Variants in TMEM184B observed in about 807,000 individuals in gnomAD.
TMEM184B encodes transmembrane protein 184B.
In TMEM184B, 17 loss-of-function variants were observed where a neutral mutation model predicts 41.8. The ratio of observed to expected loss-of-function variants is 0.41; its 90% CI spans 0.28 to 0.61. The LOEUF is 0.61. Among genes scored for constraint, TMEM184B ranks in the 20% least tolerant of loss-of-function variants. TMEM184B has a pLI of 0.34. For synonymous variants in TMEM184B, 240 were observed against 229.5 expected (o/e 1.05, Z -0.41); for missense variants, 393 against 557.8 (o/e 0.70, Z 2.98).
In TMEM184B at chr22:38,224,997, G is replaced by C. The variant is rs201677643; in HGVS notation, c.788-18C>G. The stretch of plus-strand genomic sequence containing the variant: ...GAGCATGCCTGGATGGGGAGGCACG[G>C]GTGTCTGGACCCAGAATGATTCCTT... On this transcript the variant is annotated intron_variant, in intron 7 of 8. Coordinates refer to ENST00000361906, the MANE Select transcript of TMEM184B (RefSeq NM_012264.5). 2.6e-6 allele frequency: 4 copies of C among 1,534,892 alleles called. No homozygotes were observed. The highest frequency in any genetic ancestry group is 4.0e-5 in the Admixed American group (2 of 49,876).
intron 1 of TMEM184B, among the ~76,000 whole-genome samples, chr22:38,249,696 T>C (rs1290328446): frequency 1.3e-5 from 2 of 152,144 alleles, no homozygotes; most frequent in Admixed American, 1.3e-4. Flanking sequence ...CCTCCAGAAC[T>C]GTGAGGAAGG....
At chr22:38,255,375 T>C (rs2092260153) in intron 1 of TMEM184B, among the ~76,000 whole-genome samples, 2 of 151,966 alleles carry the variant, frequency 1.3e-5, no homozygotes, top group South Asian at 4.2e-4. Context: ...GGTTTCACCA[T>C]ATTGGCCAGG....
At chr22:38,238,789 G>GCTGCACAGAGCCCT (rs1476335982) in intron 3 of TMEM184B, among the ~76,000 whole-genome samples, 3 of 152,208 alleles carry the variant, frequency 2.0e-5, no homozygotes, top group African/African-American at 7.2e-5. Context: ...AGAGCCCTAG[G>GCTGCACAGAGCCCT]ATTCAGAGAC....
chr22:38,232,016 A>G (rs1415524329), intron 3 of TMEM184B: 2 of 157,222 alleles, frequency 1.3e-5, no homozygotes, highest in African/African-American at 4.8e-5. Context: ...ATTTATAAAT[A>G]AATATTTGTC....
intron 1 of TMEM184B, among the ~76,000 whole-genome samples, chr22:38,259,438 T>C (rs931889658): frequency 3.9e-5 from 6 of 152,160 alleles, no homozygotes; most frequent in African/African-American, 7.2e-5. Context: ...GGTGGGCCCA[T>C]GTCATCACAA....
chr22:38,271,403 G>T (rs1051963260), intron 1 of TMEM184B, among the ~76,000 whole-genome samples: 3 of 152,164 alleles, frequency 2.0e-5, no homozygotes, highest in African/African-American at 7.2e-5. Context: ...ATTCCCTCTG[G>T]GCCTCAGTTT....
chr22:38,227,140 G>C (rs1357370745), intron 5 of TMEM184B, among the ~76,000 whole-genome samples: 1 of 152,024 alleles, frequency 6.6e-6, no homozygotes, highest in African/African-American at 2.4e-5. Context: ...GAACATATAG[G>C]AGATGCAGCC....
chr22:38,268,130 C>G (rs1161640993), intron 1 of TMEM184B, among the ~76,000 whole-genome samples: 1 of 152,188 alleles, frequency 6.6e-6, no homozygotes, highest in East Asian at 1.9e-4. Context: ...CACCTGTAAT[C>G]CCAACACTTT....
At chr22:38,244,301 G>A (rs1225102482) in intron 3 of TMEM184B, among the ~76,000 whole-genome samples, 1 of 152,070 alleles carries the variant, frequency 6.6e-6, no homozygotes, top group African/African-American at 2.4e-5. Context: ...CACCCTCCCA[G>A]GTCAAGGAAA....
Position 38,220,360 on chromosome 22 carries a change from G to A in TMEM184B, c.*1109C>T. The A allele has an allele frequency of 2.0e-6, 2 of 986,120 alleles. No homozygotes were observed. Among genetic ancestry groups the A allele is most frequent in the Non-Finnish European group, 1.2e-6 (1 of 830,176 alleles). The allele number at this position is 986,120 out of a possible 1,614,324, so 61.1% of individuals were successfully genotyped here. A position where few individuals can be genotyped will look rare whatever the true frequency, so the allele number is the denominator to read the frequency against. On this transcript the variant is annotated 3_prime_UTR_variant, in exon 9 of 9. Coordinates refer to ENST00000361906, the MANE Select transcript of TMEM184B (RefSeq NM_012264.5). Reference sequence around the variant, plus strand: ...GTGGGACAGATGGGGAGCCAGGGAGGGGCGCTTTCATATGTGACTAAGGCA... The same window carrying A: ...GTGGGACAGATGGGGAGCCAGGGAGAGGCGCTTTCATATGTGACTAAGGCA...
chr22:38,231,685 C>T (rs1415612239), intron 3 of TMEM184B: 5 of 445,652 alleles, frequency 1.1e-5, no homozygotes, highest in Admixed American at 3.4e-5. Flanking sequence ...GCAGTGTCGA[C>T]CCTGGGGCGA....
Position 38,220,100 on chromosome 22 carries a change from G to A in TMEM184B, c.*1369C>T. The A allele has an allele frequency of 1.0e-6, 1 of 985,462 alleles. No individual in the cohort carries two copies. The highest frequency in any genetic ancestry group is 1.2e-6 in the Non-Finnish European group (1 of 829,960). 61.0% of individuals were successfully genotyped at this position (985,462 alleles called of 1,614,324 possible). ...CCCAGGGATAATCTGGGTTTTAAAT[G>A]CCAGGACACTTTGCCTGTAGGGACA... On this transcript the variant is annotated 3_prime_UTR_variant, in exon 9 of 9. Transcript: ENST00000361906.
intron 1 of TMEM184B, among the ~76,000 whole-genome samples, chr22:38,257,537 C>T (rs1184759039): frequency 6.6e-6 from 1 of 152,162 alleles, no homozygotes; most frequent in Non-Finnish European, 1.5e-5. Flanking sequence ...CCAGCCAGAC[C>T]TTCCAAACTC....
At chr22:38,249,904 C>T (rs140151409) in intron 1 of TMEM184B, among the ~76,000 whole-genome samples, 5 of 152,330 alleles carry the variant, frequency 3.3e-5, no homozygotes, top group Non-Finnish European at 7.4e-5. Context: ...ACCAGAGAAA[C>T]ACCCGACAAT....
In TMEM184B at chr22:38,226,885, A is replaced by T. The variant is rs1382017697; in HGVS notation, c.526-15T>A. ...TGCAGGGTGGCCTGTTGGGGGGAAA[A>T]GGAGGTTGAGTGTGGAGGAGGAGCA... On this transcript the variant is annotated splice_polypyrimidine_tract_variant and intron_variant, in intron 5 of 8. Transcript: ENST00000361906. This position sits in a 1 kb window ranked among gnomAD's most constrained non-coding sequence, Gnocchi z 4.6. 1 of 1,571,752 alleles carries T rather than the reference A, an allele frequency of 6.4e-7. No homozygotes were observed. The highest frequency in any genetic ancestry group is 1.2e-5 in the South Asian group (1 of 85,976).
chr22:38,243,160 G>T (rs751651411), intron 3 of TMEM184B, among the ~76,000 whole-genome samples: 2 of 152,084 alleles, frequency 1.3e-5, no homozygotes, highest in African/African-American at 4.8e-5. Context: ...GGATAATCGC[G>T]TTGCTAGGAG....
chr22:38,252,805 A>G (rs1038506259), intron 1 of TMEM184B, among the ~76,000 whole-genome samples: 11 of 152,200 alleles, frequency 7.2e-5, no homozygotes, highest in Admixed American at 5.9e-4. Context: ...GGGGAATTAC[A>G]TAATTAACAA....
intron 1 of TMEM184B, among the ~76,000 whole-genome samples, chr22:38,259,132 C>T (rs572499809): frequency 6.6e-5 from 10 of 152,308 alleles, no homozygotes; most frequent in African/African-American, 2.2e-4. Context: ...GCAGCTATGT[C>T]GTCACTGAAC....
At chr22:38,271,279 C>T (rs2092518434) in intron 1 of TMEM184B, among the ~76,000 whole-genome samples, 1 of 152,166 alleles carries the variant, frequency 6.6e-6, no homozygotes, top group South Asian at 2.1e-4. Context: ...TAGTGCCTGG[C>T]ACATAGTAGA....
Sources: gnomAD v4.1 joint callset for allele counts (sites outside exome capture counted in the v4.1 genomes callset) on GRCh38, gnomAD v4.1.1 for gene constraint, Gnocchi (gnomAD v3.1) non-coding constraint, MANE v1.5 for transcripts, NCBI Gene and HGNC (gene_info 2026-07-23, HGNC 2026-07-21) for gene names.